Variants in ADAR observed in about 807,000 individuals in gnomAD.
ADAR encodes the protein double-stranded RNA-specific adenosine deaminase.
A neutral mutation model predicts 113.2 loss-of-function variants in ADAR; 41 were observed. The ratio of observed to expected loss-of-function variants is 0.36; its 90% CI spans 0.28 to 0.47. The LOEUF is 0.47. ADAR is among the 20% of genes least tolerant of loss of function. The pLI is 1.00. For missense variants in ADAR, 1,242 were observed against 1,540.9 expected (o/e 0.81, Z 3.25); for synonymous variants, 605 against 572.6 (o/e 1.06, Z -0.81).
intron 13 of ADAR, 144 bp from the exon 14 acceptor site, chr1:154,585,488 A>C (rs749864118): frequency 5.8e-5 from 68 of 1,176,808 alleles, no homozygotes; most frequent in Non-Finnish European, 7.9e-5. Context: ...GCTAAGACTG[A>C]GCACCCTCTA....
At chr1:154,599,979 C>T (rs11578437) in intron 2 of ADAR, among the ~76,000 whole-genome samples, 3,586 of 152,292 alleles carry the variant, frequency 0.024, 67 homozygotes, top group Middle Eastern at 0.061. Context: ...CCTGCTGCTG[C>T]TTAGCAGCAC....
Position 154,601,862 on chromosome 1 carries a change from T to C in ADAR, c.780A>G (p.Val260=), listed in dbSNP as rs751940017. Residue 260 remains valine (V), a synonymous_variant, in exon 2 of 15, where the codon GTA becomes GTG. Coordinates refer to ENST00000368474, the MANE Select transcript of ADAR (RefSeq NM_001111.5). The surrounding 1 kb of genome is among the most constrained non-coding windows in gnomAD (Gnocchi z 4.7). ...ATCCTTGGCTATGACTGTCTGGTCT[T>C]ACCACTCCGCTGTGCTGGTTCCAAG... ...AQAWNQHSGV[V]RPDSHSQGSP... 1.2e-6 allele frequency: 2 copies of C among 1,614,214 alleles called. No homozygotes were observed. Among genetic ancestry groups the C allele is most frequent in the South Asian group, 2.2e-5 (2 of 91,084 alleles).
chr1:154,586,070 A>G (rs1014444393), intron 12 of ADAR, 111 bp downstream of exon 12: 1 of 1,409,094 alleles, frequency 7.1e-7, no homozygotes, highest in East Asian at 2.3e-5. Context: ...TGAGGAGTGA[A>G]TCATGCTCAC....
chr1:154,607,995 C>G lies in ADAR; in HGVS notation c.12G>C (p.Arg4=), dbSNP rs982103593. 3.1e-6 allele frequency: 5 copies of G among 1,608,018 alleles called. No individual in the cohort carries two copies. The highest frequency in any genetic ancestry group is 1.7e-5 in the Admixed American group (1 of 59,462). ...GTCCAAGGCCGGCCCGGCTTACCTGCCGCGGATTCATTGCGCCCGCGAGGC... is the reference window on the plus strand; with the variant it reads ...GTCCAAGGCCGGCCCGGCTTACCTGGCGCGGATTCATTGCGCCCGCGAGGC... MNP[R]QGYSLSGYYT... The change falls in exon 1 of 15, where the codon CGG becomes CGC. Residue 4 remains arginine, a synonymous_variant. Transcript: ENST00000368474.
intron 11 of ADAR, among the ~76,000 whole-genome samples, chr1:154,587,486 A>T (rs1696841948): frequency 6.6e-6 from 1 of 152,148 alleles, no homozygotes; most frequent in South Asian, 2.1e-4. Flanking sequence ...GTGGACACAG[A>T]TCTCCATCTC....
intron 1 of ADAR, among the ~76,000 whole-genome samples, chr1:154,625,432 G>C (rs1178097260): frequency 6.6e-6 from 1 of 152,188 alleles, no homozygotes; most frequent in Non-Finnish European, 1.5e-5. Context: ...ATTAATGTCA[G>C]GACCTTAGCC....
chr1:154,589,790 CAG>C lies in ADAR; in HGVS notation c.2633_2634del (p.Ser878Ter), dbSNP rs1697006704. 2 of 1,614,030 alleles carry C rather than the reference CAG, an allele frequency of 1.2e-6. No individual in the cohort carries two copies. The highest frequency in any genetic ancestry group is 1.3e-5 in the African/African-American group (1 of 74,926). On this transcript the variant is annotated frameshift_variant, in exon 8 of 15. Coordinates refer to ENST00000368474, the MANE Select transcript of ADAR (RefSeq NM_001111.5). LOFTEE classifies it high-confidence loss of function. ...AAGCTGACGACGACACCCATGTCCT[CAG>C]AGTCTTTTTTCATAATGATGGCGGC... ...ILAAIIMKKDSEDMGVVVSLG... is the reference protein window; with the variant it reads ...ILAAIIMKKDXEDMGVVVSLG...
At chr1:154,605,901 G>GT in intron 1 of ADAR, 1 of 824,098 alleles carries the variant, frequency 1.2e-6, no homozygotes. Context: ...AAAGCTAAAT[G>GT]TTTTTTAAAC....
At chr1:154,598,814 T>C (rs377469816) in intron 2 of ADAR, among the ~76,000 whole-genome samples, 20 of 152,156 alleles carry the variant, frequency 1.3e-4, no homozygotes, top group African/African-American at 4.8e-4. Flanking sequence ...GAAGCAAACA[T>C]AGGCACAGAT....
Position 154,590,428 on chromosome 1 carries a change from AG to A in ADAR, c.2271-20del. ...AACGAACCTTTGGGATGAGAAACAG[AG>A]AATGAAGACAAGTGCCAGACCCTGA... On this transcript the variant is annotated intron_variant, in intron 6 of 14. Transcript: ENST00000368474. The A allele has an allele frequency of 6.2e-7, 1 of 1,611,834 alleles. No individual in the cohort carries two copies. Among genetic ancestry groups the A allele is most frequent in the Non-Finnish European group, 8.5e-7 (1 of 1,177,916 alleles).
intron 1 of ADAR, among the ~76,000 whole-genome samples, chr1:154,624,944 T>TA (rs759673874): frequency 2.0e-5 from 3 of 152,224 alleles, no homozygotes; most frequent in Non-Finnish European, 4.4e-5. Context: ...TACAGTGTGT[T>TA]ATAGTATAAA....
chr1:154,615,398 T>C (rs1201807602), intron 1 of ADAR, among the ~76,000 whole-genome samples: 1 of 152,172 alleles, frequency 6.6e-6, no homozygotes, highest in Non-Finnish European at 1.5e-5. Flanking sequence ...GATGTACTTA[T>C]GCACAGCCAT....
intron 1 of ADAR, among the ~76,000 whole-genome samples, chr1:154,605,060 G>A (rs956663930): frequency 7.9e-5 from 12 of 152,234 alleles, no homozygotes; most frequent in African/African-American, 2.4e-4. Context: ...AGAAACCTGC[G>A]TCATCTTTGC....
At chr1:154,625,732 C>T (rs927362707) in intron 1 of ADAR, among the ~76,000 whole-genome samples, 8 of 151,922 alleles carry the variant, frequency 5.3e-5, no homozygotes, top group African/African-American at 2.4e-5. Flanking sequence ...AGGCCAGGCA[C>T]GGTGGCTCAT....
chr1:154,588,025 A>T, intron 11 of ADAR, 100 bp downstream of exon 11: 1 of 1,562,870 alleles, frequency 6.4e-7, no homozygotes, highest in Admixed American at 1.7e-5. Context: ...CTCTGTGCCC[A>T]GTGACTAATG....
chr1:154,623,824 G>A (rs1698859937), intron 1 of ADAR, among the ~76,000 whole-genome samples: 1 of 151,968 alleles, frequency 6.6e-6, no homozygotes, highest in Admixed American at 6.6e-5. Flanking sequence ...CCAACATAGT[G>A]AAACCCCATT....
Position 154,618,132 on chromosome 1 carries a change from T to C in ADAR, c.-871+9723A>G, listed in dbSNP as rs988845365. Among the ~76,000 whole-genome samples the C allele has an allele frequency of 1.3e-5, 2 of 150,986 alleles. 1 individual carries two copies. Among genetic ancestry groups the C allele is most frequent in the South Asian group, 4.2e-4 (2 of 4,810 alleles). On this transcript the variant is annotated intron_variant, in intron 1 of 14. Coordinates refer to the ADAR transcript ENST00000368471. ...GTATACCTTCTTCATATAGTAAGTATATATTCTTTATATACTTTAATGTTT... is the reference window on the plus strand; with the variant it reads ...GTATACCTTCTTCATATAGTAAGTACATATTCTTTATATACTTTAATGTTT...
intron 1 of ADAR, among the ~76,000 whole-genome samples, chr1:154,606,965 C>A (rs1698231958): frequency 7.0e-6 from 1 of 141,984 alleles, no homozygotes; most frequent in African/African-American, 2.6e-5. Flanking sequence ...TATATCTTAA[C>A]AAAATTGAGG....
At chr1:154,591,583 G>A (rs562596431) in intron 6 of ADAR, among the ~76,000 whole-genome samples, 1 of 152,360 alleles carries the variant, frequency 6.6e-6, no homozygotes, top group East Asian at 1.9e-4. Flanking sequence ...AAACACAGAG[G>A]GAAGAGCATG....
Sources: allele counts gnomAD v4.1 joint callset (sites outside exome capture counted in the v4.1 genomes callset), GRCh38; gene constraint gnomAD v4.1.1; non-coding constraint Gnocchi (gnomAD v3.1); transcripts MANE v1.5; gene names NCBI Gene and HGNC (gene_info 2026-07-23, HGNC 2026-07-21).